MIR2052HG: variants seen among roughly 807,000 people sequenced by gnomAD.
MIR2052HG encodes the protein MIR2052 host gene.
At chr8:74,642,060 C>T (rs1808644235) in intron 2 of MIR2052HG, among the ~76,000 whole-genome samples, 1 of 151,942 alleles carries the variant, frequency 6.6e-6, no homozygotes, top group Non-Finnish European at 1.5e-5. Flanking sequence ...ATGTTCTATT[C>T]ATATTATATT....
chr8:74,628,375 T>G (rs2128733743), intron 2 of MIR2052HG, among the ~76,000 whole-genome samples: 1 of 152,314 alleles, frequency 6.6e-6, no homozygotes. Flanking sequence ...TGATAATCTC[T>G]AAGTCCAGGT....
chr8:74,639,408 G>C (rs537059383), intron 2 of MIR2052HG, among the ~76,000 whole-genome samples: 1 of 151,978 alleles, frequency 6.6e-6, no homozygotes, highest in Admixed American at 6.6e-5. Context: ...CATCATTTGG[G>C]CATACATATC....
At chr8:74,707,210 G>A (rs1809420047) in intron 4 of MIR2052HG, among the ~76,000 whole-genome samples, 1 of 152,048 alleles carries the variant, frequency 6.6e-6, no homozygotes, top group African/African-American at 2.4e-5. Flanking sequence ...AGGCACTGCT[G>A]GGTGCTATAT....
intron 4 of MIR2052HG, among the ~76,000 whole-genome samples, chr8:74,750,458 A>T (rs1243256732): frequency 6.6e-6 from 1 of 152,202 alleles, no homozygotes; most frequent in Non-Finnish European, 1.5e-5. Context: ...ACCTGTGTAT[A>T]TGATACTCTG....
chr8:74,665,843 T>C (rs974071431), intron 2 of MIR2052HG, among the ~76,000 whole-genome samples: 3 of 152,148 alleles, frequency 2.0e-5, no homozygotes, highest in Non-Finnish European at 2.9e-5. Context: ...GTTCTTGTGA[T>C]AGTGAATACG....
chr8:74,723,834 A>G (rs17355861), intron 4 of MIR2052HG, among the ~76,000 whole-genome samples: 35,340 of 152,140 alleles, frequency 0.23, 5,273 homozygotes, highest in East Asian at 0.64. Context: ...TTTCTGCACA[A>G]TGTTCAGGAA....
intron 1 of MIR2052HG, among the ~76,000 whole-genome samples, chr8:74,611,930 C>T (rs1808201772): frequency 6.6e-6 from 1 of 152,184 alleles, no homozygotes; most frequent in Non-Finnish European, 1.5e-5. Flanking sequence ...GTTACATGAA[C>T]CAAATTTGTT....
intron 4 of MIR2052HG, among the ~76,000 whole-genome samples, chr8:74,717,907 T>C (rs181056098): frequency 6.8e-4 from 104 of 152,276 alleles, no homozygotes; most frequent in Non-Finnish European, 1.2e-3. Context: ...TGCATGCCAA[T>C]GACATTCATG....
chr8:74,725,905 C>T (rs1441541239), intron 4 of MIR2052HG, among the ~76,000 whole-genome samples: 1 of 151,494 alleles, frequency 6.6e-6, no homozygotes, highest in Non-Finnish European at 1.5e-5. Context: ...GGAAAAAAAA[C>T]AGTCAGCTAC....
At chr8:74,622,928 T>A (rs1808383792) in intron 2 of MIR2052HG, among the ~76,000 whole-genome samples, 1 of 152,068 alleles carries the variant, frequency 6.6e-6, no homozygotes, top group Non-Finnish European at 1.5e-5. Context: ...CACAGAAAGA[T>A]AAATACCACA....
chr8:74,686,859 CA>C (rs753452829), intron 2 of MIR2052HG, among the ~76,000 whole-genome samples: 10 of 152,058 alleles, frequency 6.6e-5, no homozygotes, highest in Non-Finnish European at 1.5e-4. Context: ...TAGGTGCAAA[CA>C]TTGCAAAACC....
At chr8:74,738,998 A>G (rs141840115) in intron 4 of MIR2052HG, among the ~76,000 whole-genome samples, 1 of 152,356 alleles carries the variant, frequency 6.6e-6, no homozygotes, top group East Asian at 1.9e-4. Flanking sequence ...TAATGAATGC[A>G]ATAGAAAAGT....
At chr8:74,625,657 A>G (rs1028086448) in intron 2 of MIR2052HG, among the ~76,000 whole-genome samples, 11 of 152,204 alleles carry the variant, frequency 7.2e-5, no homozygotes. Flanking sequence ...ATTATCAAGA[A>G]ATTGTTTACC....
At chr8:74,636,645 C>T (rs1219959580) in intron 2 of MIR2052HG, among the ~76,000 whole-genome samples, 1 of 151,962 alleles carries the variant, frequency 6.6e-6, no homozygotes, top group Non-Finnish European at 1.5e-5. Flanking sequence ...GTTTTGTGGT[C>T]CATAAATTTA....
At chr8:74,688,790 C>T (rs1172472832) in intron 2 of MIR2052HG, among the ~76,000 whole-genome samples, 3 of 152,032 alleles carry the variant, frequency 2.0e-5, no homozygotes, top group East Asian at 1.9e-4. Flanking sequence ...CCCAATTTGT[C>T]GCCTTTTATC....
intron 2 of MIR2052HG, among the ~76,000 whole-genome samples, chr8:74,682,624 CA>C: frequency 6.6e-6 from 1 of 152,018 alleles, no homozygotes; most frequent in Non-Finnish European, 1.5e-5. Flanking sequence ...TTAACACACA[CA>C]AGTTGCCAAA....
intron 1 of MIR2052HG, among the ~76,000 whole-genome samples, chr8:74,610,346 A>G (rs1189118808): frequency 6.6e-6 from 1 of 151,962 alleles, no homozygotes; most frequent in East Asian, 1.9e-4. Context: ...AATACAAACT[A>G]TACAATATTG....
chr8:74,669,710 T>C (rs1286020175), intron 2 of MIR2052HG, among the ~76,000 whole-genome samples: 1 of 152,188 alleles, frequency 6.6e-6, no homozygotes, highest in Non-Finnish European at 1.5e-5. Flanking sequence ...AATTCCTGCT[T>C]CTTGGGAGGC....
intron 2 of MIR2052HG, among the ~76,000 whole-genome samples, chr8:74,648,929 A>G (rs1808723263): frequency 6.6e-6 from 1 of 152,084 alleles, no homozygotes; most frequent in Non-Finnish European, 1.5e-5. Context: ...TGAACATTCA[A>G]TTTTCCTTGG....
Sources: allele counts gnomAD v4.1 joint callset (sites outside exome capture counted in the v4.1 genomes callset), GRCh38; gene constraint gnomAD v4.1.1; transcripts MANE v1.5; gene names NCBI Gene and HGNC (gene_info 2026-07-23, HGNC 2026-07-21).